ABLIM1: variants seen among roughly 807,000 people sequenced by gnomAD.
The protein encoded by ABLIM1 is actin binding LIM protein 1.
In ABLIM1, 40 loss-of-function variants were observed where a neutral mutation model predicts 107.0. The ratio of observed to expected loss-of-function variants is 0.37; its 90% CI spans 0.29 to 0.49. ABLIM1 has a LOEUF of 0.49. Among genes scored for constraint, ABLIM1 ranks in the 20% least tolerant of loss-of-function variants. The pLI, the probability that ABLIM1 is intolerant of heterozygous loss-of-function variation, is 0.97. For synonymous variants in ABLIM1, 357 were observed against 357.3 expected (o/e 1.00, Z 0.01); for missense variants, 857 against 1,008.5 (o/e 0.85, Z 2.04).
chr10:114,700,491 AACAC>A (rs149691121), intron 1 of ABLIM1, among the ~76,000 whole-genome samples: 10,128 of 148,514 alleles, frequency 0.068, 436 homozygotes, highest in Admixed American at 0.15. Context: ...AAACAATTAA[AACAC>A]ACACACACAC....
At chr10:114,603,042 T>C (rs1352696299) in intron 1 of ABLIM1, among the ~76,000 whole-genome samples, 2 of 152,168 alleles carry the variant, frequency 1.3e-5, no homozygotes. Flanking sequence ...CATGGTGATA[T>C]ATAAAAACAT....
At chr10:114,705,288 C>T (rs574314997) in intron 1 of ABLIM1, among the ~76,000 whole-genome samples, 23 of 152,222 alleles carry the variant, frequency 1.5e-4, no homozygotes, top group South Asian at 1.2e-3. Flanking sequence ...AAAGCAGTTA[C>T]TAAAATAAAG....
At chr10:114,573,424 A>T (rs2071996568) in intron 3 of ABLIM1, among the ~76,000 whole-genome samples, 1 of 152,246 alleles carries the variant, frequency 6.6e-6, no homozygotes. Context: ...AGGCAGTAGC[A>T]GTAAGTGCTC....
chr10:114,794,591 G>A, the ABLIM1 span, among the ~76,000 whole-genome samples: 1 of 152,156 alleles, frequency 6.6e-6, no homozygotes, highest in Non-Finnish European at 1.5e-5. Flanking sequence ...ACATATTTGT[G>A]TTTTTTGGGG....
rs775829961 is a variant in ABLIM1, at chr10:114,615,728, G to T, written c.245-13767C>A. The T allele has an allele frequency of 1.0e-3, 350 of 333,468 alleles. 4 individuals carry two copies. Among genetic ancestry groups the T allele is most frequent in the Non-Finnish European group, 2.5e-4 (40 of 158,052 alleles). The allele number at this position is 333,468 out of a possible 1,614,324, so 20.7% of individuals were successfully genotyped here. ...AAAATACCTTGGGTTCACCAACAGT[G>T]TCTACTATCAGTTAGGTAATTTGAA... On this transcript the variant is annotated intron_variant, in intron 1 of 22. Transcript: ENST00000533213.
chr10:114,659,561 C>A (rs537963955), upstream of ABLIM1, among the ~76,000 whole-genome samples: 14 of 152,112 alleles, frequency 9.2e-5, no homozygotes, highest in South Asian at 2.5e-3. Context: ...TATATATATA[C>A]GGGATTCTTG....
the ABLIM1 span, among the ~76,000 whole-genome samples, chr10:114,794,991 A>C: frequency 1.3e-5 from 2 of 152,226 alleles, no homozygotes; most frequent in Non-Finnish European, 2.9e-5. Flanking sequence ...AAGCTTGAAC[A>C]CACTTGAGAT....
intron 16 of ABLIM1, 92 bp downstream of exon 16, chr10:114,445,220 A>C: frequency 8.6e-7 from 1 of 1,163,204 alleles, no homozygotes; most frequent in Non-Finnish European, 1.3e-6. Flanking sequence ...CCTCTTGCCT[A>C]TCTAGATGGT....
At chr10:114,489,268 C>A (rs1401264047) in intron 7 of ABLIM1, among the ~76,000 whole-genome samples, 3 of 152,152 alleles carry the variant, frequency 2.0e-5, no homozygotes, top group Non-Finnish European at 4.4e-5. Context: ...CCACCCACCT[C>A]GGCCTACCAA....
At chr10:114,732,425 T>C (rs953947170) in intron 1 of ABLIM1, among the ~76,000 whole-genome samples, 7 of 152,066 alleles carry the variant, frequency 4.6e-5, no homozygotes, top group African/African-American at 1.4e-4. Context: ...TATCTGTGGG[T>C]TTTTTGGTTG....
intron 1 of ABLIM1, among the ~76,000 whole-genome samples, chr10:114,717,991 A>AAAGGAAGG (rs3061776): frequency 0.094 from 8,151 of 86,658 alleles, 554 homozygotes; most frequent in African/African-American, 0.11. Flanking sequence ...AGAAAGAAAG[A>AAAGGAAGG]AAGGAAGGAA....
At chr10:114,787,429 A>G in the ABLIM1 span, among the ~76,000 whole-genome samples, 1 of 144,260 alleles carries the variant, frequency 6.9e-6, no homozygotes, top group South Asian at 2.2e-4. Context: ...CCGCCCGGCC[A>G]GCCGCCCCAT....
At chr10:114,695,238 T>G (rs530828513) in intron 1 of ABLIM1, among the ~76,000 whole-genome samples, 1 of 152,324 alleles carries the variant, frequency 6.6e-6, no homozygotes, top group South Asian at 2.1e-4. Flanking sequence ...AGCAACTAAC[T>G]CACCTTTTGT....
chr10:114,704,318 A>ATG (rs2081372626), intron 1 of ABLIM1, among the ~76,000 whole-genome samples: 1 of 80,530 alleles, frequency 1.2e-5, no homozygotes, highest in South Asian at 5.5e-4. Context: ...ATATATATAT[A>ATG]TATATATATA....
chr10:114,601,545 C>T lies in ABLIM1; in HGVS notation c.379+282G>A, dbSNP rs538497952. 3.9e-4 allele frequency among the ~76,000 whole-genome samples: 59 copies of T among 152,266 alleles called. 1 individual carries two copies. The South Asian group carries it at 8.9e-3, about 23-fold the overall frequency. On this transcript the variant is annotated intron_variant, in intron 2 of 22. Transcript: ENST00000533213. ...CCTCCCAAAGTGCTGGGATTATAGG[C>T]GTGAGCCGGCCTTTTTACTGCTCGT...
chr10:114,433,074 A>G lies in ABLIM1; in HGVS notation c.*3186T>C, dbSNP rs1260689820. The G allele has an allele frequency of 1.3e-5, 2 of 152,304 alleles. No individual in the cohort carries two copies. Among genetic ancestry groups the G allele is most frequent in the Non-Finnish European group, 1.5e-5 (1 of 68,024 alleles). 9.4% of individuals were successfully genotyped at this position (152,304 alleles called of 1,614,324 possible). ...GCCCCTTTTACTTCATGCCATCATT[A>G]TGCACTTAAGAGTCCCAAGGAAGTC... On this transcript the variant is annotated 3_prime_UTR_variant, in exon 23 of 23. Coordinates refer to ENST00000533213, the MANE Select transcript of ABLIM1 (RefSeq NM_002313.7).
intron 1 of ABLIM1, among the ~76,000 whole-genome samples, chr10:114,640,264 C>T (rs1314743713): frequency 6.6e-6 from 1 of 152,214 alleles, no homozygotes; most frequent in East Asian, 1.9e-4. Flanking sequence ...CGGTGGCTCA[C>T]GCCTATAATC....
rs537298788 is a variant in ABLIM1 at position 114,470,321 on chromosome 10, G to A, written c.1276-2105C>T. ...GCCCGTAGTCTCAGCTACTTGGGAA[G>A]CTGAGGCAGCAGAACTGCTTGAACC... On this transcript the variant is annotated intron_variant, in intron 10 of 22. Coordinates refer to ENST00000533213, the MANE Select transcript of ABLIM1 (RefSeq NM_002313.7). 2.0e-5 allele frequency among the ~76,000 whole-genome samples: 3 copies of A among 150,056 alleles called. No homozygotes were observed. The South Asian group carries it at 6.4e-4, about 32-fold the overall frequency.
chr10:114,721,264 C>T (rs1427953653), intron 1 of ABLIM1, among the ~76,000 whole-genome samples: 1 of 152,122 alleles, frequency 6.6e-6, no homozygotes, highest in Non-Finnish European at 1.5e-5. Flanking sequence ...TGAGCTTCAC[C>T]TCTGGGAGTG....
Sources: allele counts gnomAD v4.1 joint callset (sites outside exome capture counted in the v4.1 genomes callset), GRCh38; gene constraint gnomAD v4.1.1; transcripts MANE v1.5; gene names NCBI Gene and HGNC (gene_info 2026-07-23, HGNC 2026-07-21).